Variants in RAPGEF2 observed in about 807,000 individuals in gnomAD.
The protein encoded by RAPGEF2 is PDZ domain containing guanine nucleotide exchange factor (GEF) 1.
RAPGEF2 carries 54 observed loss-of-function variants against 186.7 expected under a neutral mutation model. The ratio of observed to expected loss-of-function variants is 0.29; its 90% confidence interval spans 0.23 to 0.36. The LOEUF is 0.36. RAPGEF2 is among the 10% of genes least tolerant of loss of function. RAPGEF2 has a pLI of 1.00. For missense variants in RAPGEF2, 1,532 were observed against 2,045.0 expected (o/e 0.75, Z 4.84); for synonymous variants, 712 against 705.9 (o/e 1.01, Z -0.14).
chr4:159,198,430 CTCTTTCTT>C (rs1417756945), intron 3 of RAPGEF2, among the ~76,000 whole-genome samples: 1 of 69,670 alleles, frequency 1.4e-5, no homozygotes, highest in Non-Finnish European at 3.7e-5. Flanking sequence ...CTCTCTCTCT[CTCTTTCTT>C]TCTTTCTTCT....
At chr4:159,186,073 CT>C (rs201281221) in intron 1 of RAPGEF2, among the ~76,000 whole-genome samples, 1 of 150,582 alleles carries the variant, frequency 6.6e-6, no homozygotes, top group Admixed American at 6.6e-5. Flanking sequence ...AACTTTGAGT[CT>C]TTTTTTTTCT....
At chr4:159,253,465 ATTATTAAGAAGCTGTCAGACT>A (rs1312577538) in intron 7 of RAPGEF2, among the ~76,000 whole-genome samples, 12 of 152,230 alleles carry the variant, frequency 7.9e-5, no homozygotes, top group African/African-American at 2.7e-4. Context: ...AAGGGCCTTA[ATTATTAAGAAGCTGTCAGACT>A]TACTGTGTTA....
At chr4:159,305,853 A>G (rs560581353) in intron 8 of RAPGEF2, among the ~76,000 whole-genome samples, 2 of 152,180 alleles carry the variant, frequency 1.3e-5, no homozygotes, top group East Asian at 3.9e-4. Context: ...ATGCTGAAAG[A>G]TAGGGGTCCA....
intron 17 of RAPGEF2, among the ~76,000 whole-genome samples, chr4:159,333,214 G>A (rs530063504): frequency 1.6e-4 from 24 of 151,930 alleles, no homozygotes; most frequent in Non-Finnish European, 3.4e-4. Context: ...TCCTGACCTC[G>A]TGATCCACCC....
intron 1 of RAPGEF2, among the ~76,000 whole-genome samples, chr4:159,161,399 T>C (rs1744688296): frequency 6.6e-6 from 1 of 152,180 alleles, no homozygotes; most frequent in Admixed American, 6.5e-5. Context: ...TTGCGAAGTG[T>C]TACTTAATTG....
intron 1 of RAPGEF2, among the ~76,000 whole-genome samples, chr4:159,152,548 A>G (rs1179575194): frequency 6.6e-6 from 1 of 152,224 alleles, no homozygotes; most frequent in Non-Finnish European, 1.5e-5. Context: ...GATTACAGAA[A>G]AATTGCGGAG....
intron 7 of RAPGEF2, among the ~76,000 whole-genome samples, chr4:159,288,281 T>C (rs1371554535): frequency 6.6e-6 from 1 of 152,216 alleles, no homozygotes. Flanking sequence ...GGTTATCCAC[T>C]CACATAATCT....
At chr4:159,143,388 C>G (rs915892156) in intron 1 of RAPGEF2, among the ~76,000 whole-genome samples, 4 of 152,074 alleles carry the variant, frequency 2.6e-5, no homozygotes, top group African/African-American at 7.2e-5. Context: ...TCTGTGGAAA[C>G]TCACACAATA....
intron 1 of RAPGEF2, among the ~76,000 whole-genome samples, chr4:159,165,706 T>G (rs1456111427): frequency 6.6e-6 from 1 of 152,092 alleles, no homozygotes; most frequent in African/African-American, 2.4e-5. Flanking sequence ...CAGTCTTGAC[T>G]TCAGCCTCTT....
chr4:159,296,836 A>G (rs1177255577), intron 7 of RAPGEF2, among the ~76,000 whole-genome samples: 6 of 152,188 alleles, frequency 3.9e-5, no homozygotes, highest in Non-Finnish European at 7.3e-5. Flanking sequence ...TTTTCAAGTG[A>G]AGTTCATGTA....
intron 3 of RAPGEF2, among the ~76,000 whole-genome samples, chr4:159,198,428 CTCTCTT>C (rs138833322): frequency 0.28 from 35,648 of 127,416 alleles, 7,034 homozygotes; most frequent in Non-Finnish European, 0.34. Flanking sequence ...CTCTCTCTCT[CTCTCTT>C]TCTTTCTTTC....
intron 3 of RAPGEF2, among the ~76,000 whole-genome samples, chr4:159,202,147 A>G (rs1369763153): frequency 6.6e-6 from 1 of 152,150 alleles, no homozygotes; most frequent in Non-Finnish European, 1.5e-5. Context: ...ATTCTTTCTC[A>G]CAAAGCAATC....
At chr4:159,325,293 T>C (rs1765770599) in intron 11 of RAPGEF2, among the ~76,000 whole-genome samples, 1 of 152,100 alleles carries the variant, frequency 6.6e-6, no homozygotes, top group South Asian at 2.1e-4. Flanking sequence ...AACAAAATGG[T>C]ATAAGAGAGG....
At chr4:159,262,748 G>A (rs114944760) in intron 7 of RAPGEF2, among the ~76,000 whole-genome samples, 169 of 151,882 alleles carry the variant, frequency 1.1e-3, no homozygotes, top group Admixed American at 3.7e-3. Flanking sequence ...CATAATTTTC[G>A]TATATTTCTT....
At chr4:159,178,067 TCA>T (rs1448806514) in intron 1 of RAPGEF2, among the ~76,000 whole-genome samples, 2 of 152,228 alleles carry the variant, frequency 1.3e-5, no homozygotes, top group African/African-American at 2.4e-5. Flanking sequence ...AGTCTTGGCC[TCA>T]GTTTCCTTGA....
rs1352224709 is a variant in RAPGEF2, at chr4:159,341,642, A to C, written c.2613A>C (p.Gln871His). ...EDAQELLRESQISLLQLSTVE... is the reference protein window; with the variant it reads ...EDAQELLRESHISLLQLSTVE... ...CTCAGGAGTTGTTGAGAGAGAGTCAAATTTCCCTCCTTCAGCTCAGCACTG... is the reference window on the plus strand; with the variant it reads ...CTCAGGAGTTGTTGAGAGAGAGTCACATTTCCCTCCTTCAGCTCAGCACTG... The change falls in exon 20 of 30, where the codon CAA becomes CAC. Residue 871 changes from glutamine to histidine, a missense_variant. Around this residue, in one of 4 missense-constraint regions of RAPGEF2, gnomAD observed 810 missense variants for 1,210.5 expected, o/e 0.67. Transcript: ENST00000691494. 1.9e-6 allele frequency: 3 copies of C among 1,613,922 alleles called. No homozygotes were observed. Among genetic ancestry groups the C allele is most frequent in the Middle Eastern group, 1.6e-4 (1 of 6,062 alleles).
intron 7 of RAPGEF2, among the ~76,000 whole-genome samples, chr4:159,293,705 G>A (rs1024462698): frequency 2.6e-5 from 4 of 152,180 alleles, no homozygotes; most frequent in African/African-American, 9.7e-5. Flanking sequence ...TTTCTTTTAA[G>A]TCTCCTTTTC....
chr4:159,226,035 C>A (rs924640331), intron 4 of RAPGEF2, among the ~76,000 whole-genome samples: 3 of 152,024 alleles, frequency 2.0e-5, no homozygotes, highest in Admixed American at 6.5e-5. Context: ...TTTTAGTGTC[C>A]TTGTTAAGAA....
At chr4:159,115,364 A>G (rs942836936) in intron 1 of RAPGEF2, among the ~76,000 whole-genome samples, 3 of 152,232 alleles carry the variant, frequency 2.0e-5, no homozygotes, top group Admixed American at 1.3e-4. Context: ...GGTATTTGAT[A>G]TTTTAAATAA....
Sources: allele counts gnomAD v4.1 joint callset (sites outside exome capture counted in the v4.1 genomes callset), GRCh38; gene constraint gnomAD v4.1.1; regional missense constraint gnomAD v4.1.1; transcripts MANE v1.5; gene names NCBI Gene and HGNC (gene_info 2026-07-23, HGNC 2026-07-21).